IST1: variants seen among roughly 807,000 people sequenced by gnomAD.
IST1 encodes IST1 factor associated with ESCRT-III.
In IST1, 23 loss-of-function variants were observed where a neutral mutation model predicts 37.0. That is an observed-to-expected ratio of 0.62 (90% CI 0.45 to 0.88). The LOEUF (loss-of-function observed/expected upper bound fraction) is 0.88, where lower values mean the gene tolerates loss of function less well. Among genes scored for constraint, IST1 ranks in the 40% least tolerant of loss-of-function variants. The pLI is 0.00. For synonymous variants in IST1, 180 were observed against 161.7 expected, an observed-to-expected ratio of 1.11 and a Z score of -0.86; for missense variants, 488 against 445.4, an observed-to-expected ratio of 1.10 and a Z score of -0.86.
At position 71,922,527 on chromosome 16, in the gene IST1, T is replaced by C. The variant is rs2037622654; in HGVS notation, c.606T>C (p.Asp202=). 1.2e-6 allele frequency: 2 copies of C among 1,614,164 alleles called. No homozygotes were observed. Among genetic ancestry groups the C allele is most frequent in the Non-Finnish European group, 1.7e-6 (2 of 1,179,994 alleles). ...ATCTTATTGATGTTGGATTCACAGATGATGTGAAGAAAGGAGGCCCTGGAA... is the reference window on the plus strand; with the variant it reads ...ATCTTATTGATGTTGGATTCACAGACGATGTGAAGAAAGGAGGCCCTGGAA... ...ETDLIDVGFT[D]DVKKGGPGRG... Residue 202 remains aspartate (D), a synonymous_variant, in exon 7 of 10, where the codon GAT becomes GAC. Transcript: ENST00000378799.
At chr16:71,895,170 G>C (rs1282555796), upstream of IST1, 6 of 245,154 alleles carry the variant, frequency 2.4e-5, no homozygotes, top group East Asian at 6.5e-4. Flanking sequence ...AGGCGGTACT[G>C]GCAGCCGGTT....
rs536878690 is a variant in IST1 at position 71,905,940 on chromosome 16, A to G, written c.-15-9686A>G. 5.1e-4 allele frequency among the ~76,000 whole-genome samples: 78 copies of G among 151,860 alleles called. 1 individual carries two copies. Among genetic ancestry groups the G allele is most frequent in the African/African-American group, 1.8e-3 (75 of 41,402 alleles). ...GCCGTTTCTGTAACTCTTGCTTTAT[A>G]ATGTTCTGGGTTTCCTTCTGGTTAA... On this transcript the variant is annotated intron_variant, in intron 1 of 9. Coordinates refer to ENST00000378799, the MANE Select transcript of IST1 (RefSeq NM_001270975.2).
chr16:71,922,567 G>T lies in IST1; in HGVS notation c.646G>T (p.Gly216Cys). ...KGGPGRGGSG[G>C]FTAPVGGPDG... ...AGGCCCTGGAAGAGGAGGGAGTGGTGGCTTCACAGCACCAGTTGGTGGACC... is the reference window on the plus strand; with the variant it reads ...AGGCCCTGGAAGAGGAGGGAGTGGTTGCTTCACAGCACCAGTTGGTGGACC... The change falls in exon 7 of 10, where the codon GGC becomes TGC. Residue 216 changes from glycine to cysteine, a missense_variant. Physicochemically the swap from Gly to Cys is radical, Grantham distance 159. Coordinates refer to ENST00000378799, the MANE Select transcript of IST1 (RefSeq NM_001270975.2). 1 of 1,614,140 alleles carries T rather than the reference G, an allele frequency of 6.2e-7. No homozygotes were observed. Among genetic ancestry groups the T allele is most frequent in the Non-Finnish European group, 8.5e-7 (1 of 1,180,008 alleles).
intron 1 of IST1, among the ~76,000 whole-genome samples, chr16:71,911,351 C>CT (rs200809508): frequency 0.015 from 824 of 56,500 alleles, 9 homozygotes; most frequent in African/African-American, 0.059. Flanking sequence ...GCTACGTTAC[C>CT]TTTTTTTAAA....
At chr16:71,920,141 C>G (rs978130619) in intron 4 of IST1, among the ~76,000 whole-genome samples, 14 of 151,952 alleles carry the variant, frequency 9.2e-5, no homozygotes, top group Non-Finnish European at 1.8e-4. Flanking sequence ...CAAGGGAGAA[C>G]AAAGGAAAAG....
At position 71,929,696 on chromosome 16, in the gene IST1, AAAGAG is replaced by A. The variant is rs774232060; in HGVS notation, c.*1886_*1890del. 14 of 1,514,340 alleles carry A rather than the reference AAAGAG, an allele frequency of 9.2e-6. No homozygotes were observed. In the Admixed American group the frequency reaches 2.2e-4, roughly 24 times the overall value. 93.8% of individuals were successfully genotyped at this position (1,514,340 alleles called of 1,614,324 possible). A position where few individuals can be genotyped will look rare whatever the true frequency, so the allele number is the denominator to read the frequency against. On this transcript the variant is annotated 3_prime_UTR_variant, in exon 10 of 10. Transcript: ENST00000378799. ...GCTTCTTTCTGAGTATTGAAGACAA[AAAGAG>A]AAAAGTGAGAAAATTGAAATTACTG...
At chr16:71,897,052 C>G (rs2036988674) in intron 1 of IST1, among the ~76,000 whole-genome samples, 1 of 151,882 alleles carries the variant, frequency 6.6e-6, no homozygotes, top group African/African-American at 2.4e-5. Flanking sequence ...GGGGGTCTCA[C>G]TCTGTTTCCC....
intron 3 of IST1, 77 bp downstream of exon 3, chr16:71,916,719 A>G: frequency 7.9e-7 from 1 of 1,267,374 alleles, no homozygotes; most frequent in African/African-American, 1.5e-5. Context: ...TTCTGCATTA[A>G]GGGACTATTT....
At chr16:71,911,710 ATTTTTT>A (rs550809762) in intron 1 of IST1, among the ~76,000 whole-genome samples, 5 of 90,882 alleles carry the variant, frequency 5.5e-5, no homozygotes, top group Admixed American at 3.9e-4. Context: ...TTAAACTTCG[ATTTTTT>A]TTTTTTTTTT....
chr16:71,927,427 GCAGT>G (rs1445193442), intron 9 of IST1, among the ~76,000 whole-genome samples, 183 bp from the exon 10 acceptor site: 7 of 151,328 alleles, frequency 4.6e-5, no homozygotes, highest in Non-Finnish European at 1.0e-4. Flanking sequence ...AGGCAGAGGT[GCAGT>G]GAGCTGAGAT....
upstream of IST1, chr16:71,895,229 CAG>C (rs2142508027): frequency 5.8e-6 from 1 of 171,804 alleles, no homozygotes; most frequent in African/African-American, 2.4e-5. Context: ...GCCGTGGGCG[CAG>C]AGTCCGAGAA....
chr16:71,930,021 C>CT lies in IST1; in HGVS notation c.*2208_*2209insT. On this transcript the variant is annotated 3_prime_UTR_variant, in exon 10 of 10. Coordinates refer to ENST00000378799, the MANE Select transcript of IST1 (RefSeq NM_001270975.2). ...CAGTGGAGCTTTCCCAGTGATATAA[C>CT]AGCATGCTAGTTTATCTTTTAGTTA... 2.0e-6 allele frequency: 3 copies of CT among 1,537,028 alleles called. No homozygotes were observed. The East Asian group carries it at 7.3e-5, about 38-fold the overall frequency.
At chr16:71,927,068 C>G (rs2037761102) in intron 9 of IST1, among the ~76,000 whole-genome samples, 1 of 152,224 alleles carries the variant, frequency 6.6e-6, no homozygotes, top group Non-Finnish European at 1.5e-5. Context: ...GTCGATTGCT[C>G]TGTGGATGTG....
At chr16:71,894,564 A>T, upstream of IST1, 3 of 304,354 alleles carry the variant, frequency 9.9e-6, no homozygotes, top group South Asian at 4.6e-5. Context: ...TTTTTTCTGT[A>T]GCCTAGGCTG....
intron 4 of IST1, among the ~76,000 whole-genome samples, chr16:71,918,318 G>C (rs1192202820): frequency 2.0e-5 from 3 of 150,748 alleles, no homozygotes; most frequent in African/African-American, 7.3e-5. Context: ...ACTCCCCCCA[G>C]AGAATAAACT....
intron 1 of IST1, among the ~76,000 whole-genome samples, chr16:71,907,479 G>A (rs1030510559): frequency 3.3e-5 from 5 of 151,938 alleles, no homozygotes; most frequent in Non-Finnish European, 5.9e-5. Context: ...GGGTTTCACT[G>A]TGTTGGCCAG....
rs377587693 is a variant in IST1 at position 71,919,141 on chromosome 16, T to C, written c.358-1598T>C. Among the ~76,000 whole-genome samples, 10 of 152,344 alleles carry C rather than the reference T, an allele frequency of 6.6e-5. No individual in the cohort carries two copies. In the South Asian group the frequency reaches 2.1e-3, roughly 32 times the overall value. On this transcript the variant is annotated intron_variant, in intron 4 of 9. Transcript: ENST00000378799. ...CACGACCTCTTGCTTTAAAGCCCAT[T>C]AGTAGCTTTCTGTTGCTCTTGTGAT... is the stretch of plus-strand genomic sequence containing the variant.
At chr16:71,922,437 C>G (rs1219080265) in intron 6 of IST1, 37 bp from the exon 7 acceptor site, 7 of 1,573,908 alleles carry the variant, frequency 4.4e-6, no homozygotes, top group African/African-American at 4.1e-5. Flanking sequence ...TGGCCTTGGA[C>G]ATGGGTTAAT....
intron 9 of IST1, among the ~76,000 whole-genome samples, chr16:71,927,192 TTA>T: frequency 6.6e-6 from 1 of 152,202 alleles, no homozygotes; most frequent in Middle Eastern, 3.2e-3. Context: ...CAAATGTTTA[TTA>T]GCCTCTAGAA....
Sources: gnomAD v4.1 joint callset for allele counts (sites outside exome capture counted in the v4.1 genomes callset) on GRCh38, gnomAD v4.1.1 for gene constraint, MANE v1.5 for transcripts, NCBI Gene and HGNC (gene_info 2026-07-23, HGNC 2026-07-21) for gene names.